Variants in TOPBP1 observed in about 807,000 individuals in gnomAD.
TOPBP1 encodes the protein DNA topoisomerase II binding protein 1.
In TOPBP1, 28 loss-of-function variants were observed where a neutral mutation model predicts 167.7. The observed-to-expected ratio is 0.17, with a 90% CI of 0.12 to 0.23. The LOEUF (loss-of-function observed/expected upper bound fraction) is 0.23, where lower values mean the gene tolerates loss of function less well. Among genes scored for constraint, TOPBP1 ranks in the 10% least tolerant of loss-of-function variants. TOPBP1 has a pLI of 1.00. For synonymous variants in TOPBP1, 598 were observed against 611.4 expected, an observed-to-expected ratio of 0.98 and a Z score of 0.32; for missense variants, 1,554 against 1,809.6, an observed-to-expected ratio of 0.86 and a Z score of 2.56.
chr3:133,626,707 T>A lies in TOPBP1; in HGVS notation c.2804+1655A>T, dbSNP rs1935279858. Among the ~76,000 whole-genome samples the A allele has an allele frequency of 3.9e-5, 6 of 152,190 alleles. No individual in the cohort carries two copies. In the South Asian group the frequency reaches 1.0e-3, roughly 26 times the overall value. ...TACAAACGTATTAATACTCCATTGTTTTCTAGTGTAGTCAGCCTTAGGCAT... is the reference window on the plus strand; with the variant it reads ...TACAAACGTATTAATACTCCATTGTATTCTAGTGTAGTCAGCCTTAGGCAT... On this transcript the variant is annotated intron_variant, in intron 16 of 27. Transcript: ENST00000260810.
chr3:133,652,766 C>G, intron 7 of TOPBP1, 137 bp from the exon 8 acceptor site: 1 of 652,788 alleles, frequency 1.5e-6, no homozygotes, highest in South Asian at 2.2e-5. Context: ...TTACTGAAAT[C>G]TTAGTGGCAA....
In TOPBP1 at chr3:133,625,158, G is replaced by A. The variant is rs566592679; in HGVS notation, c.2805-983C>T. On this transcript the variant is annotated intron_variant, in intron 16 of 27. Transcript: ENST00000260810. ...ATTTTTGTATTTCTAGTAGAGATGG[G>A]TTTTCACCATATTGGGCAGTGGTCT... Among the ~76,000 whole-genome samples, 206 of 152,242 alleles carry A rather than the reference G, an allele frequency of 1.4e-3. 2 individuals are homozygous for A. The highest frequency in any genetic ancestry group is 4.7e-3 in the African/African-American group (196 of 41,558).
Position 133,658,993 on chromosome 3 carries a change from G to A in TOPBP1, c.219+23C>T, listed in dbSNP as rs770762910. The A allele has an allele frequency of 3.8e-6, 6 of 1,576,988 alleles. No homozygotes were observed. The South Asian group carries it at 4.8e-5, about 13-fold the overall frequency. The stretch of plus-strand genomic sequence containing the variant: ...TAAACCAAAAAATAGACTACCAAAG[G>A]TACACACTAGAAGTCAGCAAACCTT... On this transcript the variant is annotated intron_variant, in intron 3 of 27. Transcript: ENST00000260810.
rs1014534858 is a variant in TOPBP1 at position 133,652,616 on chromosome 3, T to C, written c.936A>G (p.Ser312=). The C allele has an allele frequency of 2.5e-6, 4 of 1,609,218 alleles. No homozygotes were observed. In the African/African-American group the frequency reaches 4.0e-5, roughly 16 times the overall value. Residue 312 remains serine (S), a synonymous_variant, in exon 8 of 28, where the codon TCA becomes TCG. Transcript: ENST00000260810. ...TTATGTTGGAAATATTGCTGACATC[T>C]GAAAGAGTACGACCTACATATTTTG... The part of the protein sequence containing the change: ...QINTIDSRTL[S]DVSNISNINA...
rs372133030 is a variant in TOPBP1 at position 133,608,619 on chromosome 3, A to G, written c.4341T>C (p.Asp1447=). Reference sequence around the variant, plus strand: ...CTTCTGCTATATTAACTCCTGAGTCATCTGGTTTCAGTTTATTCAAGTCAG... The same window carrying G: ...CTTCTGCTATATTAACTCCTGAGTCGTCTGGTTTCAGTTTATTCAAGTCAG... ...LFSDLNKLKP[D]DSGVNIAEAA... The change falls in exon 27 of 28, where the codon GAT becomes GAC. Residue 1447 remains aspartate, a synonymous_variant. Transcript: ENST00000260810. 1.4e-5 allele frequency: 23 copies of G among 1,613,732 alleles called. No individual in the cohort carries two copies. Among genetic ancestry groups the G allele is most frequent in the Non-Finnish European group, 1.8e-5 (21 of 1,179,816 alleles).
chr3:133,632,297 T>C (rs1935512837), intron 14 of TOPBP1, among the ~76,000 whole-genome samples: 1 of 151,730 alleles, frequency 6.6e-6, no homozygotes, highest in African/African-American at 2.4e-5. Context: ...CCCAGTTACT[T>C]GGGAAGCTGA....
At chr3:133,652,944 C>T (rs1226945482) in intron 7 of TOPBP1, among the ~76,000 whole-genome samples, 4 of 152,276 alleles carry the variant, frequency 2.6e-5, no homozygotes, top group Admixed American at 1.3e-4. Flanking sequence ...ATTTTGCCAA[C>T]ACGACACCTA....
chr3:133,619,218 T>G (rs1299014065), intron 20 of TOPBP1, among the ~76,000 whole-genome samples: 1 of 151,748 alleles, frequency 6.6e-6, no homozygotes, highest in African/African-American at 2.4e-5. Flanking sequence ...AAATAAAGAA[T>G]ATAGCCTTTT....
In TOPBP1 at chr3:133,658,930, T is replaced by C. The variant is rs371590292; in HGVS notation, c.219+86A>G. Reference sequence around the variant, plus strand: ...TGTACTCATAAGTTGCATAGTACTTTATAATCCGCAAAGAATGTATGTCCA... The same window carrying C: ...TGTACTCATAAGTTGCATAGTACTTCATAATCCGCAAAGAATGTATGTCCA... On this transcript the variant is annotated intron_variant, in intron 3 of 27. Coordinates refer to ENST00000260810, the MANE Select transcript of TOPBP1 (RefSeq NM_007027.4). 118 of 1,419,382 alleles carry C rather than the reference T, an allele frequency of 8.3e-5. 2 individuals carry two copies. Among genetic ancestry groups the C allele is most frequent in the African/African-American group, 6.4e-4 (44 of 68,948 alleles). 87.9% of individuals were successfully genotyped at this position (1,419,382 alleles called of 1,614,324 possible).
At chr3:133,608,045 C>T (rs1425069419) in intron 27 of TOPBP1, among the ~76,000 whole-genome samples, 1 of 152,162 alleles carries the variant, frequency 6.6e-6, no homozygotes, top group African/African-American at 2.4e-5. Context: ...TTTGGGCACT[C>T]TGGTGTCAGA....
In TOPBP1 at chr3:133,640,039, A is replaced by G. The variant is rs765126300; in HGVS notation, c.2153T>C (p.Ile718Thr). 15 of 1,613,928 alleles carry G rather than the reference A, an allele frequency of 9.3e-6. No individual in the cohort carries two copies. Among genetic ancestry groups the G allele is most frequent in the Non-Finnish European group, 1.1e-5 (13 of 1,179,846 alleles). Residue 718 changes from isoleucine (I) to threonine (T), a missense_variant, in exon 13 of 28, where the codon ATA (isoleucine) becomes ACA (threonine). Transcript: ENST00000260810. The stretch of plus-strand genomic sequence containing the variant: ...TCTAGCAGTCTCCAACAGCCAAGCT[A>G]TAGTAACGGCAGGTAAATTCCACTT... The part of the protein sequence containing the change: ...AKKWNLPAVT[I>T]AWLLETARTG...
chr3:133,603,988 T>A (rs937815090), intron 27 of TOPBP1, among the ~76,000 whole-genome samples: 3 of 151,786 alleles, frequency 2.0e-5, no homozygotes, highest in African/African-American at 7.3e-5. Context: ...TTTCTGTGAT[T>A]ACAATGGAAT....
chr3:133,612,435 T>G lies in TOPBP1; in HGVS notation c.3989A>C (p.His1330Pro), dbSNP rs1934713544. 4 of 1,613,962 alleles carry G rather than the reference T, an allele frequency of 2.5e-6. No individual in the cohort carries two copies. Among genetic ancestry groups the G allele is most frequent in the Non-Finnish European group, 3.4e-6 (4 of 1,179,848 alleles). The change falls in exon 24 of 28, where the codon CAT becomes CCT. Residue 1330 changes from histidine (H) to proline (P), a missense_variant. Around this residue, in one of 3 missense-constraint regions of TOPBP1, gnomAD observed 351 missense variants for 432.9 expected, o/e 0.81. Transcript: ENST00000260810. ...CCTGCAGGCTTCAAGGTAGGAGCGA[T>G]GAAGCACCCACTTCCCAGCTGCCAC... ...ASVAAGKWVL[H>P]RSYLEACRTA...
intron 2 of TOPBP1, 84 bp from the exon 3 acceptor site, chr3:133,659,234 C>T: frequency 1.5e-6 from 2 of 1,365,314 alleles, no homozygotes; most frequent in Non-Finnish European, 9.7e-7. Context: ...CAAATCCAGC[C>T]TTTTCCCTAT....
chr3:133,628,195 G>A, intron 16 of TOPBP1, 167 bp downstream of exon 16: 1 of 635,782 alleles, frequency 1.6e-6, no homozygotes, highest in South Asian at 2.0e-5. Context: ...TGATATGTGA[G>A]AGGCTATTTT....
Position 133,608,690 on chromosome 3 carries a change from G to A in TOPBP1, c.4270C>T (p.Pro1424Ser). Residue 1424 changes from proline (P) to serine (S), a missense_variant, in exon 27 of 28, where the codon CCT becomes TCT. By Grantham distance (74) the Pro-to-Ser change is moderately conservative. This residue lies in a region of TOPBP1 where 351 missense variants were observed against 432.9 expected (regional missense o/e 0.81). Transcript: ENST00000260810. Reference sequence around the variant, plus strand: ...TTAAATAAAGGTACAGAATGACCAGGTAGCACCTAATGAAAAAACAAGGTA... The same window carrying A: ...TTAAATAAAGGTACAGAATGACCAGATAGCACCTAATGAAAAAACAAGGTA... The part of the protein sequence containing the change: ...LLQSGGAKVL[P>S]GHSVPLFKEA... 1 of 1,613,110 alleles carries A rather than the reference G, an allele frequency of 6.2e-7. No homozygotes were observed. Among genetic ancestry groups the A allele is most frequent in the East Asian group, 2.2e-5 (1 of 44,872 alleles).
At chr3:133,632,094 T>C (rs889819276) in intron 14 of TOPBP1, among the ~76,000 whole-genome samples, 1 of 152,140 alleles carries the variant, frequency 6.6e-6, no homozygotes, top group Non-Finnish European at 1.5e-5. Flanking sequence ...CCTGTGGAAC[T>C]GAGTCAATTA....
At chr3:133,625,905 A>G (rs1187486340) in intron 16 of TOPBP1, among the ~76,000 whole-genome samples, 1 of 152,174 alleles carries the variant, frequency 6.6e-6, no homozygotes, top group Non-Finnish European at 1.5e-5. Flanking sequence ...GTAGTGGTAT[A>G]TTATCAAGAT....
At chr3:133,648,404 T>C (rs1238336063) in intron 10 of TOPBP1, among the ~76,000 whole-genome samples, 1 of 152,200 alleles carries the variant, frequency 6.6e-6, no homozygotes, top group Non-Finnish European at 1.5e-5. Context: ...TAATAACGCC[T>C]AATTGTAAGA....
Sources: allele counts gnomAD v4.1 joint callset (sites outside exome capture counted in the v4.1 genomes callset), GRCh38; gene constraint gnomAD v4.1.1; regional missense constraint gnomAD v4.1.1; transcripts MANE v1.5; gene names NCBI Gene and HGNC (gene_info 2026-07-23, HGNC 2026-07-21).